Variants in LRBA observed in about 807,000 individuals in gnomAD.
LRBA encodes LPS responsive beige-like anchor protein.
LRBA carries 176 observed loss-of-function variants against 330.0 expected under a neutral mutation model. The observed-to-expected ratio is 0.53, with a 90% CI of 0.47 to 0.60. The LOEUF is 0.60. Among genes scored for constraint, LRBA ranks in the 20% least tolerant of loss-of-function variants. The pLI, the probability that LRBA is intolerant of heterozygous loss-of-function variation, is 0.00. For synonymous variants in LRBA, 1,230 were observed against 1,193.0 expected (o/e 1.03, Z -0.64); for missense variants, 3,259 against 3,444.8 (o/e 0.95, Z 1.35).
chr4:150,954,139 G>A (rs1038737469), intron 2 of LRBA, among the ~76,000 whole-genome samples: 2 of 144,654 alleles, frequency 1.4e-5, no homozygotes, highest in Admixed American at 6.8e-5. Context: ...CCGCCCCGTC[G>A]GGGAGGTGGG....
At chr4:150,507,325 C>G (rs1761230698) in intron 40 of LRBA, among the ~76,000 whole-genome samples, 1 of 152,186 alleles carries the variant, frequency 6.6e-6, no homozygotes, top group Non-Finnish European at 1.5e-5. Flanking sequence ...TGACTTCAAA[C>G]TATACTACAA....
At chr4:150,354,459 C>T (rs1389299799) in intron 47 of LRBA, among the ~76,000 whole-genome samples, 1 of 152,066 alleles carries the variant, frequency 6.6e-6, no homozygotes, top group African/African-American at 2.4e-5. Flanking sequence ...TGTTAGTACT[C>T]CCCTAGCAGG....
chr4:150,390,399 C>G (rs1743751240), intron 47 of LRBA, among the ~76,000 whole-genome samples: 1 of 152,186 alleles, frequency 6.6e-6, no homozygotes, highest in Admixed American at 6.6e-5. Flanking sequence ...ACATCACATT[C>G]TCTGCCATCT....
chr4:150,419,408 G>A (rs910687428), intron 46 of LRBA, among the ~76,000 whole-genome samples: 1 of 152,132 alleles, frequency 6.6e-6, no homozygotes, highest in African/African-American at 2.4e-5. Context: ...AGATGTGAAG[G>A]CTAGTTTTCT....
chr4:150,737,375 G>A (rs901949905), intron 35 of LRBA, among the ~76,000 whole-genome samples: 11 of 152,118 alleles, frequency 7.2e-5, no homozygotes. Flanking sequence ...TGGAAGAATG[G>A]CTTGAACTTG....
chr4:150,639,373 G>GAAAAAAAAAAAAAAAAAA (rs1428774639), intron 37 of LRBA, among the ~76,000 whole-genome samples: 4 of 79,252 alleles, frequency 5.0e-5, no homozygotes, highest in African/African-American at 7.2e-5. Flanking sequence ...AAAAAAAAAA[G>GAAAAAAAAAAAAAAAAAA]AAAAAAAAAA....
intron 44 of LRBA, among the ~76,000 whole-genome samples, chr4:150,452,778 G>GTTT (rs1286562896): frequency 2.0e-5 from 3 of 152,158 alleles, no homozygotes; most frequent in Admixed American, 6.5e-5. Flanking sequence ...GTATAGTGCA[G>GTTT]TAAGTCTTCA....
intron 44 of LRBA, among the ~76,000 whole-genome samples, chr4:150,440,637 G>T (rs1353963508): frequency 6.6e-6 from 1 of 151,990 alleles, no homozygotes; most frequent in Non-Finnish European, 1.5e-5. Context: ...AGATGGGCAT[G>T]GTGGTGTATG....
At chr4:150,688,815 G>T (rs904997981) in intron 36 of LRBA, among the ~76,000 whole-genome samples, 1 of 152,190 alleles carries the variant, frequency 6.6e-6, no homozygotes, top group Non-Finnish European at 1.5e-5. Flanking sequence ...ATGCTGGAAA[G>T]GATGTGGAGA....
intron 55 of LRBA, among the ~76,000 whole-genome samples, chr4:150,280,715 TC>T (rs1390080376): frequency 6.6e-6 from 1 of 152,218 alleles, no homozygotes; most frequent in African/African-American, 2.4e-5. Flanking sequence ...TGGTGTCCAT[TC>T]CTTATATGGG....
intron 37 of LRBA, among the ~76,000 whole-genome samples, chr4:150,605,369 C>G (rs957317883): frequency 6.6e-5 from 10 of 152,122 alleles, no homozygotes; most frequent in Non-Finnish European, 1.5e-4. Flanking sequence ...TCCCATTTTC[C>G]ATCTCGCCCA....
At chr4:150,994,668 A>G (rs1411055875) in intron 2 of LRBA, among the ~76,000 whole-genome samples, 2 of 152,194 alleles carry the variant, frequency 1.3e-5, no homozygotes, top group Non-Finnish European at 2.9e-5. Flanking sequence ...AGGTTCTCTA[A>G]TAAGGCCACA....
At chr4:150,448,918 G>A (rs1426032456) in intron 44 of LRBA, among the ~76,000 whole-genome samples, 3 of 151,570 alleles carry the variant, frequency 2.0e-5, no homozygotes, top group East Asian at 1.9e-4. Context: ...AGAAACACAC[G>A]GGAGTTTGCA....
chr4:150,445,375 CTCTATA>C (rs1236322258), intron 44 of LRBA, among the ~76,000 whole-genome samples: 159 of 82,940 alleles, frequency 1.9e-3, no homozygotes, highest in East Asian at 3.7e-3. Context: ...CTCTCTCTCT[CTCTATA>C]TATATATATA....
intron 4 of LRBA, among the ~76,000 whole-genome samples, chr4:150,923,428 C>T (rs1287781288): frequency 6.6e-6 from 1 of 152,100 alleles, no homozygotes; most frequent in Non-Finnish European, 1.5e-5. Flanking sequence ...TCAATCTTAC[C>T]CAGCCTTTAG....
chr4:150,277,161 A>C (rs1746888080), intron 56 of LRBA, among the ~76,000 whole-genome samples: 1 of 152,124 alleles, frequency 6.6e-6, no homozygotes, highest in African/African-American at 2.4e-5. Context: ...ATTCTCAGCA[A>C]ACTAACACAG....
intron 9 of LRBA, among the ~76,000 whole-genome samples, chr4:150,913,602 G>C (rs1342357772): frequency 6.6e-6 from 1 of 152,192 alleles, no homozygotes; most frequent in African/African-American, 2.4e-5. Context: ...CTGTCTGGTT[G>C]TTCTATTCAT....
At chr4:150,542,164 C>A (rs945027741) in intron 40 of LRBA, among the ~76,000 whole-genome samples, 1 of 152,128 alleles carries the variant, frequency 6.6e-6, no homozygotes, top group Non-Finnish European at 1.5e-5. Flanking sequence ...GGGTTCATTG[C>A]CTCACAAGTG....
chr4:150,432,555 T>C (rs1251091335), intron 46 of LRBA, among the ~76,000 whole-genome samples: 1 of 144,120 alleles, frequency 6.9e-6, no homozygotes, highest in Admixed American at 7.5e-5. Flanking sequence ...CCTCCTGGGT[T>C]CACGCCATTC....
Sources: gnomAD v4.1 joint callset for allele counts (sites outside exome capture counted in the v4.1 genomes callset) on GRCh38, gnomAD v4.1.1 for gene constraint, MANE v1.5 for transcripts, NCBI Gene and HGNC (gene_info 2026-07-23, HGNC 2026-07-21) for gene names.